The following PTPRG variants were observed in gnomAD, a reference collection of about 807,000 sequenced individuals.
PTPRG encodes the protein receptor-type tyrosine-protein phosphatase gamma.
A neutral mutation model predicts 165.3 loss-of-function variants in PTPRG; 102 were observed. That is an observed-to-expected ratio of 0.62 (90% CI 0.53 to 0.73). The LOEUF (loss-of-function observed/expected upper bound fraction) is 0.73, where lower values mean the gene tolerates loss of function less well. PTPRG is among the 30% of genes least tolerant of loss of function. The pLI, the probability that PTPRG is intolerant of heterozygous loss-of-function variation, is 0.00. For synonymous variants in PTPRG, 675 were observed against 669.5 expected, an observed-to-expected ratio of 1.01 and a Z score of -0.13; for missense variants, 1,866 against 1,861.4, an observed-to-expected ratio of 1.00 and a Z score of -0.05.
At chr3:61,824,483 G>C (rs2036051622) in intron 2 of PTPRG, among the ~76,000 whole-genome samples, 1 of 152,180 alleles carries the variant, frequency 6.6e-6, no homozygotes, top group African/African-American at 2.4e-5. Flanking sequence ...AACCATAGCT[G>C]CAATTTAATT....
intron 2 of PTPRG, among the ~76,000 whole-genome samples, chr3:61,835,061 ATATAC>A (rs1415219502): frequency 3.3e-5 from 5 of 152,226 alleles, no homozygotes; most frequent in Non-Finnish European, 7.3e-5. Context: ...TAAAGTCCAA[ATATAC>A]CTAAGATTCA....
intron 6 of PTPRG, among the ~76,000 whole-genome samples, chr3:62,154,136 G>GT (rs1704448150): frequency 6.6e-6 from 1 of 152,142 alleles, no homozygotes; most frequent in Non-Finnish European, 1.5e-5. Context: ...AGCCACCAGG[G>GT]CTGACTTAAC....
intron 8 of PTPRG, among the ~76,000 whole-genome samples, chr3:62,169,075 G>T (rs904025333): frequency 1.3e-5 from 2 of 151,962 alleles, no homozygotes; most frequent in South Asian, 4.2e-4. Flanking sequence ...TATCCCTCTC[G>T]TCTGCTTCTG....
chr3:61,767,763 G>A (rs2034074111), intron 2 of PTPRG, among the ~76,000 whole-genome samples: 1 of 151,920 alleles, frequency 6.6e-6, no homozygotes, highest in South Asian at 2.1e-4. Flanking sequence ...GAGCCCAGGA[G>A]TTCAAGACCA....
intron 2 of PTPRG, among the ~76,000 whole-genome samples, chr3:61,862,513 G>C (rs1392157954): frequency 1.3e-5 from 2 of 151,106 alleles, no homozygotes; most frequent in Non-Finnish European, 2.9e-5. Context: ...TCAGCCTCCC[G>C]AGTAGCTGGG....
chr3:61,748,726 G>GTTTT, intron 1 of PTPRG, 152 bp from the exon 2 acceptor site: 22 of 506,998 alleles, frequency 4.3e-5, no homozygotes, highest in South Asian at 1.2e-4. Context: ...CTTTCCTATA[G>GTTTT]TTTTTTTTTT....
chr3:61,923,719 CAG>C (rs1157770947), intron 2 of PTPRG, among the ~76,000 whole-genome samples: 1 of 118,012 alleles, frequency 8.5e-6, no homozygotes, highest in Non-Finnish European at 1.7e-5. Context: ...TTTGTAGAGA[CAG>C]GGTCTCACCA....
At chr3:61,994,348 T>C (rs1485258788) in intron 3 of PTPRG, among the ~76,000 whole-genome samples, 2 of 152,238 alleles carry the variant, frequency 1.3e-5, no homozygotes, top group Non-Finnish European at 2.9e-5. Context: ...CTTTTTCTTA[T>C]ATCCCACACT....
chr3:62,015,030 G>A (rs2041507892), intron 4 of PTPRG, among the ~76,000 whole-genome samples: 2 of 152,226 alleles, frequency 1.3e-5, no homozygotes, highest in Admixed American at 6.5e-5. Flanking sequence ...ACATATGCCA[G>A]TAGGGAAACC....
In PTPRG at chr3:61,677,538, T is replaced by C. The variant is rs187641219; in HGVS notation, c.86-71340T>C. 1.1e-4 allele frequency among the ~76,000 whole-genome samples: 16 copies of C among 152,274 alleles called. No homozygotes were observed. In the South Asian group the frequency reaches 2.9e-3, roughly 28 times the overall value. ...CAATAAATCAGTGATGAATTTTTGG[T>C]AGATGTATATTTACTTATTAATTAT... On this transcript the variant is annotated intron_variant, in intron 1 of 29. Transcript: ENST00000474889.
chr3:61,669,755 T>C (rs1453524544), intron 1 of PTPRG, among the ~76,000 whole-genome samples: 1 of 152,184 alleles, frequency 6.6e-6, no homozygotes, highest in Non-Finnish European at 1.5e-5. Flanking sequence ...CAGTTGTACT[T>C]GAGACAGTTT....
At chr3:62,135,217 T>TGAGC (rs1398914110) in intron 6 of PTPRG, among the ~76,000 whole-genome samples, 2 of 149,624 alleles carry the variant, frequency 1.3e-5, no homozygotes, top group East Asian at 3.9e-4. Flanking sequence ...GAGGCTGTAG[T>TGAGC]GAGCCATGAT....
chr3:61,993,009 T>A (rs187018485), intron 3 of PTPRG, among the ~76,000 whole-genome samples: 202 of 152,234 alleles, frequency 1.3e-3, no homozygotes, highest in Non-Finnish European at 6.5e-4. Flanking sequence ...ATAAATTTTT[T>A]AGAATTTTGG....
intron 1 of PTPRG, among the ~76,000 whole-genome samples, chr3:61,588,754 G>C (rs1327089662): frequency 6.6e-6 from 1 of 152,046 alleles, no homozygotes; most frequent in African/African-American, 2.4e-5. Context: ...CCCTAGGAGG[G>C]ATAAATATTC....
chr3:61,983,239 G>A (rs1274453678), intron 2 of PTPRG, among the ~76,000 whole-genome samples: 1 of 152,070 alleles, frequency 6.6e-6, no homozygotes, highest in Non-Finnish European at 1.5e-5. Flanking sequence ...CAAAAGAATT[G>A]TAATCAGAAT....
chr3:61,721,220 G>C (rs1437724499), intron 1 of PTPRG, among the ~76,000 whole-genome samples: 2 of 152,156 alleles, frequency 1.3e-5, no homozygotes, highest in African/African-American at 4.8e-5. Context: ...TTCCAGGTGG[G>C]TGACTACATT....
chr3:62,078,047 T>A (rs2106752395), intron 4 of PTPRG, 116 bp from the exon 5 acceptor site: 9 of 616,064 alleles, frequency 1.5e-5, no homozygotes, highest in Non-Finnish European at 2.2e-5. Context: ...AACAGGTGAA[T>A]AAATTTGGCA....
At position 61,883,729 on chromosome 3, in the gene PTPRG, G is replaced by A. The variant is rs149416491; in HGVS notation, c.191-105896G>A. Among the ~76,000 whole-genome samples, 288 of 152,100 alleles carry A rather than the reference G, an allele frequency of 1.9e-3. 3 individuals are homozygous for A. Among genetic ancestry groups the A allele is most frequent in the African/African-American group, 6.5e-3 (271 of 41,492 alleles). ...TTTTTTTGGAAGGCAGGGTGGAGTG[G>A]GGCCAGGTCTCACTCTGTCACCCAG... On this transcript the variant is annotated intron_variant, in intron 2 of 29. Transcript: ENST00000474889.
intron 4 of PTPRG, among the ~76,000 whole-genome samples, chr3:62,017,659 C>A (rs1410005475): frequency 1.3e-5 from 2 of 151,694 alleles, no homozygotes; most frequent in Non-Finnish European, 2.9e-5. Flanking sequence ...CTCCTGACCT[C>A]GTGATCCGCC....
Sources: allele counts gnomAD v4.1 joint callset (sites outside exome capture counted in the v4.1 genomes callset), GRCh38; gene constraint gnomAD v4.1.1; transcripts MANE v1.5; gene names NCBI Gene and HGNC (gene_info 2026-07-23, HGNC 2026-07-21).